Variants in AHCYL2 observed in about 807,000 individuals in gnomAD.
AHCYL2 encodes S-adenosylhomocysteine hydrolase-like protein 2.
A neutral mutation model predicts 81.4 loss-of-function variants in AHCYL2; 28 were observed. That is an observed-to-expected ratio of 0.34 (90% CI 0.25 to 0.47). The LOEUF (loss-of-function observed/expected upper bound fraction) is 0.47, where lower values mean the gene tolerates loss of function less well. AHCYL2 is among the 20% of genes least tolerant of loss of function. AHCYL2 has a pLI of 1.00. For synonymous variants in AHCYL2, 272 were observed against 290.2 expected (o/e 0.94, Z 0.64); for missense variants, 551 against 785.1 (o/e 0.70, Z 3.56).
chr7:129,240,234 T>G (rs1794803986), intron 1 of AHCYL2, among the ~76,000 whole-genome samples: 1 of 146,792 alleles, frequency 6.8e-6, no homozygotes, highest in African/African-American at 2.6e-5. Flanking sequence ...AAAAAAAGAA[T>G]CCCATGGCCA....
chr7:129,288,395 G>A (rs746714287), intron 1 of AHCYL2, among the ~76,000 whole-genome samples: 16 of 151,922 alleles, frequency 1.1e-4, no homozygotes, highest in South Asian at 2.1e-4. Context: ...ACAGAGTCTC[G>A]CATCACTCAG....
chr7:129,354,834 C>T (rs1176441265), intron 1 of AHCYL2, among the ~76,000 whole-genome samples: 3 of 152,100 alleles, frequency 2.0e-5, no homozygotes, highest in African/African-American at 7.2e-5. Context: ...TTTATAGCTC[C>T]CGTAGGAAAT....
chr7:129,336,354 C>T (rs950003149), intron 1 of AHCYL2, among the ~76,000 whole-genome samples: 1 of 152,094 alleles, frequency 6.6e-6, no homozygotes, highest in African/African-American at 2.4e-5. Flanking sequence ...AGGCTTGAGC[C>T]ACCCCACCCA....
intron 1 of AHCYL2, among the ~76,000 whole-genome samples, chr7:129,342,690 C>G (rs1434194044): frequency 6.6e-6 from 1 of 152,106 alleles, no homozygotes; most frequent in African/African-American, 2.4e-5. Context: ...TAGACTGTTT[C>G]AAAGTGGTAG....
chr7:129,341,259 G>T (rs1036675111), intron 1 of AHCYL2, among the ~76,000 whole-genome samples: 1 of 152,152 alleles, frequency 6.6e-6, no homozygotes. Context: ...AGCTTCTAGG[G>T]GTAGCAAGTG....
intron 1 of AHCYL2, among the ~76,000 whole-genome samples, chr7:129,285,349 G>C (rs1244136797): frequency 1.3e-5 from 2 of 152,116 alleles, no homozygotes; most frequent in African/African-American, 4.8e-5. Flanking sequence ...TAGAAGAATT[G>C]GGCAGGGATC....
intron 1 of AHCYL2, among the ~76,000 whole-genome samples, chr7:129,286,539 C>A (rs1584744811): frequency 6.6e-6 from 1 of 152,230 alleles, no homozygotes; most frequent in Non-Finnish European, 1.5e-5. Flanking sequence ...TAGCTCACTA[C>A]AACCTCCACC....
chr7:129,357,845 A>G (rs1793787770), intron 1 of AHCYL2, among the ~76,000 whole-genome samples: 1 of 151,280 alleles, frequency 6.6e-6, no homozygotes, highest in Non-Finnish European at 1.5e-5. Flanking sequence ...GAGGCAGGAG[A>G]ATAGCGTGAA....
At chr7:129,250,592 A>G (rs1795216089) in intron 1 of AHCYL2, among the ~76,000 whole-genome samples, 2 of 152,166 alleles carry the variant, frequency 1.3e-5, no homozygotes, top group Non-Finnish European at 2.9e-5. Context: ...GCAACAGTGG[A>G]CATGTTTGCC....
chr7:129,296,288 C>T (rs879346572), intron 1 of AHCYL2, among the ~76,000 whole-genome samples: 1 of 152,196 alleles, frequency 6.6e-6, no homozygotes, highest in Non-Finnish European at 1.5e-5. Context: ...TGAGTAACCT[C>T]TGTACACCTT....
chr7:129,266,953 A>AT (rs960971519), intron 1 of AHCYL2, among the ~76,000 whole-genome samples: 69 of 147,342 alleles, frequency 4.7e-4, no homozygotes, highest in South Asian at 6.5e-4. Flanking sequence ...TGTCAGATAA[A>AT]TTTTTTTTTT....
intron 12 of AHCYL2, 115 bp downstream of exon 12, chr7:129,413,803 TG>T: frequency 4.9e-6 from 4 of 823,694 alleles, no homozygotes; most frequent in Non-Finnish European, 6.0e-6. Context: ...CTGGCAGAGT[TG>T]TCCACATCTT....
Position 129,427,137 on chromosome 7 carries a change from C to G in AHCYL2, c.*92C>G. On this transcript the variant is annotated 3_prime_UTR_variant, in exon 17 of 17. Transcript: ENST00000325006. This position sits in a 1 kb window ranked among gnomAD's most constrained non-coding sequence, Gnocchi z 5.5. ...AGAAAGAATTCAGCAAGCTGCTTCT[C>G]CAATCAAAGCTGCCTGCCGTGCTCA... The G allele has an allele frequency of 7.5e-7, 1 of 1,326,250 alleles. No individual in the cohort carries two copies. Among genetic ancestry groups the G allele is most frequent in the Admixed American group, 1.8e-5 (1 of 55,282 alleles). 82.2% of individuals were successfully genotyped at this position (1,326,250 alleles called of 1,614,324 possible).
chr7:129,383,088 C>A (rs769436531), intron 2 of AHCYL2, among the ~76,000 whole-genome samples: 1 of 151,926 alleles, frequency 6.6e-6, no homozygotes, highest in Non-Finnish European at 1.5e-5. Flanking sequence ...AAATCTGTCT[C>A]CTATATACTA....
intron 15 of AHCYL2, 89 bp downstream of exon 15, chr7:129,425,230 G>A: frequency 5.2e-6 from 6 of 1,164,810 alleles, no homozygotes; most frequent in South Asian, 3.9e-5. Flanking sequence ...CTTACTTAAG[G>A]ATGGGGGAAA....
chr7:129,359,482 T>G (rs1202981619), intron 1 of AHCYL2, among the ~76,000 whole-genome samples: 2 of 152,234 alleles, frequency 1.3e-5, no homozygotes, highest in African/African-American at 2.4e-5. Flanking sequence ...TTTGTGTACT[T>G]TTGTAACTAA....
intron 1 of AHCYL2, among the ~76,000 whole-genome samples, chr7:129,247,627 G>C (rs764327482): frequency 1.3e-5 from 2 of 151,394 alleles, no homozygotes; most frequent in Non-Finnish European, 2.9e-5. Flanking sequence ...CCAAGACAAG[G>C]CCTCATTCTG....
At chr7:129,364,175 C>T (rs752459433) in intron 1 of AHCYL2, among the ~76,000 whole-genome samples, 180 of 152,080 alleles carry the variant, frequency 1.2e-3, no homozygotes, top group Non-Finnish European at 2.3e-3. Context: ...GGAGTTCAAG[C>T]AATGATCACA....
At chr7:129,271,146 A>G (rs1291128975) in intron 1 of AHCYL2, among the ~76,000 whole-genome samples, 1 of 151,850 alleles carries the variant, frequency 6.6e-6, no homozygotes, top group Non-Finnish European at 1.5e-5. Context: ...GCGGATCACG[A>G]GGTCAGGAGA....
Sources: allele counts gnomAD v4.1 joint callset (sites outside exome capture counted in the v4.1 genomes callset), GRCh38; gene constraint gnomAD v4.1.1; non-coding constraint Gnocchi (gnomAD v3.1); transcripts MANE v1.5; gene names NCBI Gene and HGNC (gene_info 2026-07-23, HGNC 2026-07-21).